The following VOPP1 variants were observed in gnomAD, a reference collection of about 807,000 sequenced individuals.
VOPP1 encodes WW domain binding protein VOPP1.
VOPP1 carries 8 observed loss-of-function variants against 23.5 expected under a neutral mutation model. The observed-to-expected ratio is 0.34, with a 90% CI of 0.20 to 0.61. The LOEUF is 0.61. Ranked by LOEUF, VOPP1 falls within the 20% of genes least tolerant of loss-of-function variation. VOPP1 has a pLI of 0.78. For missense variants in VOPP1, 174 were observed against 238.1 expected, an observed-to-expected ratio of 0.73 and a Z score of 1.77; for synonymous variants, 83 against 97.3, an observed-to-expected ratio of 0.85 and a Z score of 0.86.
chr7:55,547,548 G>A (rs928559638), intron 1 of VOPP1, among the ~76,000 whole-genome samples: 7 of 152,174 alleles, frequency 4.6e-5, no homozygotes, highest in Non-Finnish European at 1.0e-4. Flanking sequence ...CACCTTTACA[G>A]AGAGCTCTGG....
intron 1 of VOPP1, among the ~76,000 whole-genome samples, chr7:55,544,829 A>G (rs1008411559): frequency 6.6e-6 from 1 of 152,240 alleles, no homozygotes; most frequent in African/African-American, 2.4e-5. Flanking sequence ...GTCCAATAAA[A>G]GCGCAATTTT....
chr7:55,451,534 G>A (rs1052078123), intron 4 of VOPP1, among the ~76,000 whole-genome samples: 1 of 152,232 alleles, frequency 6.6e-6, no homozygotes, highest in African/African-American at 2.4e-5. Flanking sequence ...GCTCACGCCT[G>A]TAATCCCAGC....
At chr7:55,557,782 G>C (rs75788123) in intron 1 of VOPP1, among the ~76,000 whole-genome samples, 2 of 152,352 alleles carry the variant, frequency 1.3e-5, no homozygotes, top group Non-Finnish European at 2.9e-5. Context: ...GGGCAGGACC[G>C]TCCGCAGAGA....
chr7:55,449,467 G>A (rs1363948269), intron 4 of VOPP1, among the ~76,000 whole-genome samples: 1 of 152,306 alleles, frequency 6.6e-6, no homozygotes, highest in South Asian at 2.1e-4. Context: ...CAGCTGCAGC[G>A]CCAGGCCCAG....
intron 1 of VOPP1, among the ~76,000 whole-genome samples, chr7:55,554,875 C>T (rs548146063): frequency 2.6e-5 from 4 of 152,218 alleles, no homozygotes; most frequent in African/African-American, 4.8e-5. Flanking sequence ...CAGGATTTTT[C>T]GCAGAATGAG....
chr7:55,442,652 C>CAA (rs11302671), intron 4 of VOPP1, among the ~76,000 whole-genome samples: 47 of 139,406 alleles, frequency 3.4e-4, no homozygotes, highest in East Asian at 6.8e-4. Flanking sequence ...TGAAGTAGAC[C>CAA]AAAAAAAAAA....
chr7:55,517,842 G>C (rs770038575), intron 2 of VOPP1, among the ~76,000 whole-genome samples: 42 of 152,140 alleles, frequency 2.8e-4, no homozygotes, highest in South Asian at 2.1e-4. Context: ...CAACTTGATG[G>C]ACAGTGGAGA....
intron 4 of VOPP1, among the ~76,000 whole-genome samples, chr7:55,491,536 G>A (rs1281326518): frequency 1.3e-5 from 2 of 152,178 alleles, no homozygotes; most frequent in Non-Finnish European, 2.9e-5. Flanking sequence ...GCGCTCTGAT[G>A]AGCCGAGCCA....
chr7:55,458,657 T>C (rs1416206183), intron 4 of VOPP1, among the ~76,000 whole-genome samples: 1 of 152,152 alleles, frequency 6.6e-6, no homozygotes, highest in Non-Finnish European at 1.5e-5. Flanking sequence ...TTTTAATTAT[T>C]GTAAATGGGA....
At chr7:55,532,994 G>T (rs143120708) in intron 1 of VOPP1, among the ~76,000 whole-genome samples, 3 of 152,356 alleles carry the variant, frequency 2.0e-5, no homozygotes, top group Non-Finnish European at 4.4e-5. Context: ...AAGAGAGTCA[G>T]TTCCACGTGC....
At chr7:55,552,740 C>T (rs1251998361) in intron 1 of VOPP1, 3 of 1,534,264 alleles carry the variant, frequency 2.0e-6, no homozygotes, top group Admixed American at 2.0e-5. Flanking sequence ...GCCAGGTTGC[C>T]GGCACACGGA....
chr7:55,473,902 G>A lies in VOPP1; in HGVS notation c.329-857C>T, dbSNP rs1328239995. Among the ~76,000 whole-genome samples the A allele has an allele frequency of 2.0e-5, 3 of 152,134 alleles. No homozygotes were observed. The East Asian group carries it at 5.8e-4, about 29-fold the overall frequency. On this transcript the variant is annotated intron_variant, in intron 4 of 4. Coordinates refer to ENST00000285279, the MANE Select transcript of VOPP1 (RefSeq NM_030796.5). ...AAGAAGCTGCCCCTGTGTGAATATTGTGTAGGGTTTTTTTTCTTTTTTTGC... is the reference window on the plus strand; with the variant it reads ...AAGAAGCTGCCCCTGTGTGAATATTATGTAGGGTTTTTTTTCTTTTTTTGC...
chr7:55,530,549 G>T (rs180872439), intron 1 of VOPP1, among the ~76,000 whole-genome samples: 1 of 152,266 alleles, frequency 6.6e-6, no homozygotes, highest in East Asian at 1.9e-4. Flanking sequence ...CAAGCTGAAA[G>T]TCGGCATTTG....
At chr7:55,488,656 AC>A (rs1471666374) in intron 4 of VOPP1, among the ~76,000 whole-genome samples, 1 of 151,562 alleles carries the variant, frequency 6.6e-6, no homozygotes, top group African/African-American at 2.4e-5. Context: ...GAGCCCCCCT[AC>A]ACCCCAGAAT....
intron 1 of VOPP1, among the ~76,000 whole-genome samples, chr7:55,561,498 TAGG>T (rs1797984053): frequency 6.6e-6 from 1 of 151,608 alleles, no homozygotes; most frequent in Non-Finnish European, 1.5e-5. Flanking sequence ...ATCACAAGGT[TAGG>T]AGTTCAAGAC....
At chr7:55,558,323 T>C (rs915065618) in intron 1 of VOPP1, among the ~76,000 whole-genome samples, 1 of 152,172 alleles carries the variant, frequency 6.6e-6, no homozygotes, top group Non-Finnish European at 1.5e-5. Context: ...CTCATCAAGC[T>C]GTATACATTA....
At chr7:55,540,997 T>C (rs1797110041) in intron 1 of VOPP1, among the ~76,000 whole-genome samples, 1 of 152,094 alleles carries the variant, frequency 6.6e-6, no homozygotes, top group African/African-American at 2.4e-5. Context: ...AACAATACCA[T>C]AAAGTAAAAC....
intron 1 of VOPP1, among the ~76,000 whole-genome samples, chr7:55,525,676 T>C (rs182089296): frequency 6.6e-6 from 1 of 151,404 alleles, no homozygotes. Context: ...CTCGATCATC[T>C]AGGCAGAAGC....
At chr7:55,544,284 G>C (rs929284619) in intron 1 of VOPP1, among the ~76,000 whole-genome samples, 3 of 152,152 alleles carry the variant, frequency 2.0e-5, no homozygotes, top group African/African-American at 7.2e-5. Context: ...AAAGATTTTA[G>C]CTGACCAAAA....
Sources: gnomAD v4.1 joint callset for allele counts (sites outside exome capture counted in the v4.1 genomes callset) on GRCh38, gnomAD v4.1.1 for gene constraint, MANE v1.5 for transcripts, NCBI Gene and HGNC (gene_info 2026-07-23, HGNC 2026-07-21) for gene names.